Variants in SASH1 observed in about 807,000 individuals in gnomAD.
SASH1 encodes SAM and SH3 domain-containing protein 1.
In SASH1, 44 loss-of-function variants were observed where a neutral mutation model predicts 125.2. The observed-to-expected ratio is 0.35, with a 90% CI of 0.28 to 0.45. The LOEUF (loss-of-function observed/expected upper bound fraction) is 0.45, where lower values mean the gene tolerates loss of function less well. Among genes scored for constraint, SASH1 ranks in the 20% least tolerant of loss-of-function variants. SASH1 has a pLI of 1.00. For missense variants in SASH1, 1,426 were observed against 1,614.5 expected (o/e 0.88, Z 2.00); for synonymous variants, 639 against 649.1 (o/e 0.98, Z 0.24).
chr6:148,481,439 A>G (rs1778615580), intron 7 of SASH1, among the ~76,000 whole-genome samples: 1 of 152,140 alleles, frequency 6.6e-6, no homozygotes, highest in Non-Finnish European at 1.5e-5. Context: ...TTGGATGCAA[A>G]AGGCCTCGCT....
intron 4 of SASH1, among the ~76,000 whole-genome samples, chr6:148,448,716 C>T (rs1776930125): frequency 6.6e-6 from 1 of 152,204 alleles, no homozygotes; most frequent in Non-Finnish European, 1.5e-5. Context: ...TTAACTCTCT[C>T]GCTCTGACCT....
chr6:148,459,468 A>G (rs779607810), intron 4 of SASH1, among the ~76,000 whole-genome samples: 1 of 152,228 alleles, frequency 6.6e-6, no homozygotes, highest in Non-Finnish European at 1.5e-5. Context: ...AGTGACCCAC[A>G]TCATTAACTT....
chr6:148,466,723 A>T (rs1032223566), intron 4 of SASH1, among the ~76,000 whole-genome samples: 1 of 151,684 alleles, frequency 6.6e-6, no homozygotes, highest in South Asian at 2.1e-4. Flanking sequence ...GCATGTCACC[A>T]TACCCAGTTG....
intron 4 of SASH1, among the ~76,000 whole-genome samples, chr6:148,461,859 G>A (rs575354903): frequency 2.8e-4 from 43 of 152,322 alleles, no homozygotes; most frequent in African/African-American, 9.6e-4. Context: ...TCTTTAACAT[G>A]TAATGATTTG....
At chr6:148,451,835 C>A (rs1239427680) in intron 4 of SASH1, among the ~76,000 whole-genome samples, 1 of 152,228 alleles carries the variant, frequency 6.6e-6, no homozygotes, top group Admixed American at 6.5e-5. Context: ...CAAGCCACGT[C>A]CCCTGGTGCT....
chr6:148,390,249 A>G lies in SASH1; in HGVS notation c.272A>G (p.Gln91Arg), dbSNP rs749396423. 22 of 1,611,084 alleles carry G rather than the reference A, an allele frequency of 1.4e-5. No homozygotes were observed. The South Asian group carries it at 2.4e-4, about 18-fold the overall frequency. ...GAGCTGCGGAAACGGCGGGTTTCCCAGGACCTGGAAGTGGTGAGTGGGGGT... is the reference window on the plus strand; with the variant it reads ...GAGCTGCGGAAACGGCGGGTTTCCCGGGACCTGGAAGTGGTGAGTGGGGGT... ...MEELRKRRVS[Q>R]DLEVEKPDAS... is the part of the protein sequence containing the mutation. Residue 91 changes from glutamine (Q) to arginine (R), a missense_variant, in exon 2 of 20, where the codon CAG becomes CGG. Physicochemically the swap from Gln to Arg is conservative, Grantham distance 43 (BLOSUM62 1). Transcript: ENST00000367467.
intron 17 of SASH1, among the ~76,000 whole-genome samples, chr6:148,541,061 CAGAAG>C (rs1223765134): frequency 6.6e-6 from 1 of 151,912 alleles, no homozygotes; most frequent in African/African-American, 2.4e-5. Flanking sequence ...TTGTCTCAAA[CAGAAG>C]AGGAGTCTTA....
In SASH1 at chr6:148,303,423, A is replaced by G. The variant is rs192613265; in HGVS notation, n.74+31046A>G. On this transcript the variant is annotated intron_variant and non_coding_transcript_variant, in intron 1 of 3. Transcript: ENST00000367469. ...CTCAAGATAAAGGAATCAAAATCAT[A>G]GAGTATGCTTTCTGACTATAATGGA... Among the ~76,000 whole-genome samples, 12 of 152,354 alleles carry G rather than the reference A, an allele frequency of 7.9e-5. No homozygotes were observed. The East Asian group carries it at 2.3e-3, about 29-fold the overall frequency.
intron 4 of SASH1, among the ~76,000 whole-genome samples, chr6:148,443,359 A>T (rs1776627354): frequency 2.0e-5 from 2 of 100,652 alleles, no homozygotes; most frequent in Admixed American, 2.1e-4. Flanking sequence ...TATTAGTGAT[A>T]TTAATTTTGG....
chr6:148,354,467 T>G (rs1382372983), intron 1 of SASH1, among the ~76,000 whole-genome samples: 1 of 152,148 alleles, frequency 6.6e-6, no homozygotes, highest in Non-Finnish European at 1.5e-5. Context: ...TAATCCTGAT[T>G]TTTTTGTGTT....
the SASH1 span, among the ~76,000 whole-genome samples, chr6:148,201,176 G>GT: frequency 2.0e-5 from 3 of 152,150 alleles, no homozygotes; most frequent in African/African-American, 7.2e-5. Flanking sequence ...CCACACTGAC[G>GT]TAATAATATT....
intron 8 of SASH1, chr6:148,512,985 A>T (rs937123764): frequency 8.6e-5 from 85 of 985,276 alleles, no homozygotes; most frequent in Non-Finnish European, 9.6e-5. Context: ...TCAGTTGTTT[A>T]TATCCCTTAC....
At chr6:148,374,328 T>C (rs570029731) in intron 1 of SASH1, among the ~76,000 whole-genome samples, 42 of 152,300 alleles carry the variant, frequency 2.8e-4, no homozygotes, top group African/African-American at 9.4e-4. Context: ...CAAGCAAACA[T>C]TGACCAGTAA....
intron 16 of SASH1, among the ~76,000 whole-genome samples, chr6:148,539,544 T>C (rs1239970591): frequency 6.6e-6 from 1 of 152,216 alleles, no homozygotes; most frequent in Admixed American, 6.5e-5. Flanking sequence ...TCTTTCCTTT[T>C]CATGGCCAAG....
intron 1 of SASH1, among the ~76,000 whole-genome samples, chr6:148,298,783 AAAAG>A (rs1230226875): frequency 2.6e-4 from 32 of 125,164 alleles, no homozygotes; most frequent in South Asian, 5.4e-4. Context: ...AAGAAAGAAC[AAAAG>A]AAAGAAAGAA....
intron 19 of SASH1, among the ~76,000 whole-genome samples, chr6:148,547,486 G>T (rs1385475668): frequency 6.6e-6 from 1 of 152,114 alleles, no homozygotes; most frequent in Admixed American, 6.5e-5. Flanking sequence ...ATAAGCAGGG[G>T]GGTGGCTATT....
rs561119926 is a variant in SASH1, at chr6:148,508,850, C to T, written c.730-5474C>T. 307 of 1,287,576 alleles carry T rather than the reference C, an allele frequency of 2.4e-4. 3 individuals carry two copies. The highest frequency in any genetic ancestry group is 2.1e-3 in the South Asian group (174 of 80,974). The allele number at this position is 1,287,576 out of a possible 1,614,324, so 79.8% of individuals were successfully genotyped here. On this transcript the variant is annotated intron_variant, in intron 8 of 19. Coordinates refer to ENST00000367467, the MANE Select transcript of SASH1 (RefSeq NM_015278.5). Reference sequence around the variant, plus strand: ...AGGTACAGGACGTCTTCAGAATTACCCCTTAGGCTTGCTAAATGCCGAAGC... The same window carrying T: ...AGGTACAGGACGTCTTCAGAATTACTCCTTAGGCTTGCTAAATGCCGAAGC...
At chr6:148,281,827 G>A (rs1779349191) in intron 1 of SASH1, among the ~76,000 whole-genome samples, 1 of 152,040 alleles carries the variant, frequency 6.6e-6, no homozygotes. Context: ...GGAGGCAGAG[G>A]CAGGAGAATT....
chr6:148,356,228 GCA>G (rs1781931623), intron 1 of SASH1, among the ~76,000 whole-genome samples: 1 of 151,974 alleles, frequency 6.6e-6, no homozygotes. Context: ...GGGATTACAG[GCA>G]CACACCACCA....
Sources: allele counts gnomAD v4.1 joint callset (sites outside exome capture counted in the v4.1 genomes callset), GRCh38; gene constraint gnomAD v4.1.1; transcripts MANE v1.5; gene names NCBI Gene and HGNC (gene_info 2026-07-23, HGNC 2026-07-21).